The following NAA16 variants were observed in gnomAD, a reference collection of about 807,000 sequenced individuals.
NAA16 encodes the protein N-alpha-acetyltransferase 16, NatA auxiliary subunit.
A neutral mutation model predicts 110.3 loss-of-function variants in NAA16; 97 were observed. The ratio of observed to expected loss-of-function variants is 0.88; its 90% CI spans 0.75 to 1.04. The LOEUF (loss-of-function observed/expected upper bound fraction) is 1.04. Among genes scored for constraint, NAA16 ranks in the 50% least tolerant of loss-of-function variants. The pLI is 0.00. For missense variants in NAA16, 1,017 were observed against 1,005.1 expected (o/e 1.01, Z -0.16); for synonymous variants, 372 against 330.6 (o/e 1.13, Z -1.36).
chr13:41,312,067 G>C (rs76921504), intron 1 of NAA16, among the ~76,000 whole-genome samples: 4,414 of 152,320 alleles, frequency 0.029, 201 homozygotes, highest in African/African-American at 0.098. Context: ...TGCGATGGTG[G>C]AATTTTTCCT....
At chr13:41,326,336 A>G (rs918859001) in intron 6 of NAA16, among the ~76,000 whole-genome samples, 1 of 152,208 alleles carries the variant, frequency 6.6e-6, no homozygotes, top group Non-Finnish European at 1.5e-5. Flanking sequence ...AAAAATTTTC[A>G]CAGAGCTTTG....
chr13:41,317,967 G>GTTAA (rs1247860519), intron 2 of NAA16, among the ~76,000 whole-genome samples: 51 of 152,326 alleles, frequency 3.3e-4, no homozygotes, highest in African/African-American at 1.2e-3. Flanking sequence ...GTGAACTGAT[G>GTTAA]TTAATTAGCC....
chr13:41,336,212 A>G (rs1270911698), intron 8 of NAA16, among the ~76,000 whole-genome samples: 2 of 152,124 alleles, frequency 1.3e-5, no homozygotes, highest in Non-Finnish European at 2.9e-5. Flanking sequence ...TATCCTCAAT[A>G]CCTAGAACAG....
intron 9 of NAA16, among the ~76,000 whole-genome samples, chr13:41,340,346 CTTAG>C (rs1460538836): frequency 3.9e-5 from 6 of 151,958 alleles, no homozygotes; most frequent in South Asian, 4.2e-4. Context: ...CTCCTCTGAT[CTTAG>C]TTAGTTATTG....
rs868390928 is a variant in NAA16 at position 41,353,801 on chromosome 13, A to C, written c.1015-1343A>C. ...CACACACACACACACACACACACAC[A>C]CCCCAAAACAGATTGTACAGAATAT... is the stretch of plus-strand genomic sequence containing the variant. On this transcript the variant is annotated intron_variant, in intron 9 of 19. Coordinates refer to ENST00000379406, the MANE Select transcript of NAA16 (RefSeq NM_024561.5). Among the ~76,000 whole-genome samples, 1,251 of 131,084 alleles carry C rather than the reference A, an allele frequency of 9.5e-3. 12 individuals carry two copies. Among genetic ancestry groups the C allele is most frequent in the Non-Finnish European group, 9.8e-3 (600 of 61,140 alleles). 86.0% of individuals were successfully genotyped at this position (131,084 alleles called of 152,430 possible). A position where few individuals can be genotyped will look rare whatever the true frequency, so the allele number is the denominator to read the frequency against.
intron 3 of NAA16, among the ~76,000 whole-genome samples, chr13:41,319,825 A>T (rs1208978223): frequency 6.7e-6 from 1 of 149,754 alleles, no homozygotes; most frequent in South Asian, 2.1e-4. Context: ...CCAAAAAAAA[A>T]TTTTTTTTTA....
At chr13:41,354,886 ATTTT>A (rs10671840) in intron 9 of NAA16, among the ~76,000 whole-genome samples, 7 of 112,452 alleles carry the variant, frequency 6.2e-5, no homozygotes, top group Admixed American at 1.1e-4. Context: ...GGAGTGGTCC[ATTTT>A]TTTTTTTTTT....
chr13:41,318,438 A>G (rs2483105), intron 2 of NAA16, among the ~76,000 whole-genome samples: 8,013 of 152,044 alleles, frequency 0.053, 276 homozygotes, highest in Non-Finnish European at 0.074. Flanking sequence ...TTGACCTCAG[A>G]TGATCCACCC....
At chr13:41,348,485 G>A (rs2042742714) in intron 9 of NAA16, among the ~76,000 whole-genome samples, 1 of 152,142 alleles carries the variant, frequency 6.6e-6, no homozygotes, top group African/African-American at 2.4e-5. Context: ...GTCTTGCATT[G>A]CTGGGTGAAA....
chr13:41,339,264 C>G (rs1274595315), intron 9 of NAA16, among the ~76,000 whole-genome samples: 2 of 152,012 alleles, frequency 1.3e-5, no homozygotes, highest in Admixed American at 1.3e-4. Context: ...CTCAGCCTCC[C>G]GAGTAGCTGG....
rs559321874 is a variant in NAA16, at chr13:41,367,687, A to G, written c.1753+35A>G. 17 of 1,425,134 alleles carry G rather than the reference A, an allele frequency of 1.2e-5. No individual in the cohort carries two copies. The African/African-American group carries it at 1.6e-4, about 13-fold the overall frequency. 88.3% of individuals were successfully genotyped at this position (1,425,134 alleles called of 1,614,324 possible). ...TAGGAACTTAAAAGATTTTAAAAGG[A>G]CACTAAATTTCAGAATGCCATTAGC... On this transcript the variant is annotated intron_variant, in intron 14 of 19. Transcript: ENST00000379406.
chr13:41,362,363 ATAT>A (rs1481182738), intron 13 of NAA16: 56 of 503,876 alleles, frequency 1.1e-4, no homozygotes, highest in African/African-American at 1.0e-3. Flanking sequence ...TGACATGTCT[ATAT>A]ATTTTTGTCT....
At chr13:41,343,309 C>CA (rs1216625307) in intron 9 of NAA16, among the ~76,000 whole-genome samples, 1 of 152,070 alleles carries the variant, frequency 6.6e-6, no homozygotes, top group Non-Finnish European at 1.5e-5. Flanking sequence ...ACGCTGATCT[C>CA]AAACTTCTGG....
At chr13:41,367,724 C>G (rs2043235661) in intron 14 of NAA16, 72 bp downstream of exon 14, 1 of 958,176 alleles carries the variant, frequency 1.0e-6, no homozygotes, top group African/African-American at 1.7e-5. Context: ...TAAACAATAC[C>G]TAGAAAAATA....
intron 13 of NAA16, among the ~76,000 whole-genome samples, chr13:41,365,242 A>C (rs1239975959): frequency 6.6e-6 from 1 of 152,158 alleles, no homozygotes; most frequent in East Asian, 1.9e-4. Flanking sequence ...TTGGTGATGG[A>C]GTAGTTCTGT....
chr13:41,373,999 G>T, intron 18 of NAA16: 1 of 568,572 alleles, frequency 1.8e-6, no homozygotes. Context: ...AAGGGTTTGT[G>T]ATAACGGGCA....
intron 9 of NAA16, among the ~76,000 whole-genome samples, chr13:41,341,423 A>G (rs1406086430): frequency 6.6e-6 from 1 of 152,220 alleles, no homozygotes; most frequent in African/African-American, 2.4e-5. Flanking sequence ...ATTACAAGAA[A>G]AAGGGGACAA....
At chr13:41,357,801 G>A (rs533918051) in intron 10 of NAA16, among the ~76,000 whole-genome samples, 2 of 152,138 alleles carry the variant, frequency 1.3e-5, no homozygotes, top group Non-Finnish European at 1.5e-5. Context: ...TCAGATGGTA[G>A]GGTTGTTTCT....
chr13:41,323,761 A>T (rs937770543), intron 5 of NAA16, among the ~76,000 whole-genome samples: 5 of 151,978 alleles, frequency 3.3e-5, no homozygotes, highest in African/African-American at 1.2e-4. Context: ...CTGGGATTAC[A>T]GGCATGAGCC....
Sources: allele counts gnomAD v4.1 joint callset (sites outside exome capture counted in the v4.1 genomes callset), GRCh38; gene constraint gnomAD v4.1.1; transcripts MANE v1.5; gene names NCBI Gene and HGNC (gene_info 2026-07-23, HGNC 2026-07-21).